The following ZNF514 variants were observed in gnomAD, a reference collection of about 807,000 sequenced individuals.
ZNF514 encodes the protein zinc finger protein 514.
ZNF514 carries 12 observed loss-of-function variants against 9.7 expected under a neutral mutation model. The ratio of observed to expected loss-of-function variants is 1.24; its 90% CI spans 0.79 to 2.01. The LOEUF is 2.01. Ranked by LOEUF, ZNF514 falls within the 30% of genes most tolerant of loss-of-function variation. The pLI, the probability that ZNF514 is intolerant of heterozygous loss-of-function variation, is 0.00. For synonymous variants in ZNF514, 158 were observed against 163.7 expected (o/e 0.97, Z 0.27); for missense variants, 467 against 465.5 (o/e 1.00, Z -0.03).
At position 95,145,690 on chromosome 2, in the gene ZNF514, C is replaced by T. The variant is rs1419254759; in HGVS notation, c.*3592G>A. On this transcript the variant is annotated 3_prime_UTR_variant, in exon 5 of 5. Coordinates refer to ENST00000295208, the MANE Select transcript of ZNF514 (RefSeq NM_032788.3). ...TTCAAGTTGTCCTGCCTTTCTCCAT[C>T]GAACCAATGTAAATCTTACATGTAT... Among the ~76,000 whole-genome samples, 2 of 152,204 alleles carry T rather than the reference C, an allele frequency of 1.3e-5. No individual in the cohort carries two copies. Among genetic ancestry groups the T allele is most frequent in the Non-Finnish European group, 2.9e-5 (2 of 68,040 alleles).
At chr2:95,126,838 A>T in the ZNF514 span, among the ~76,000 whole-genome samples, 1 of 151,712 alleles carries the variant, frequency 6.6e-6, no homozygotes, top group African/African-American at 2.4e-5. Flanking sequence ...TGGCACTATC[A>T]TAACTCAATG....
chr2:95,152,905 C>A (rs563004144), intron 3 of ZNF514, 136 bp from the exon 4 acceptor site: 16 of 962,962 alleles, frequency 1.7e-5, no homozygotes, highest in Admixed American at 1.3e-4. Context: ...GTTAGGAACA[C>A]AGCCAGGTAA....
intron 2 of ZNF514, chr2:95,154,173 C>T (rs868451234): frequency 2.6e-5 from 4 of 152,260 alleles, no homozygotes; most frequent in East Asian, 1.9e-4. Flanking sequence ...GTGAAAGACA[C>T]GAGCTACAGG....
At chr2:95,157,135 G>C (rs1197186159) in intron 2 of ZNF514, among the ~76,000 whole-genome samples, 8 of 152,112 alleles carry the variant, frequency 5.3e-5, no homozygotes, top group Non-Finnish European at 7.4e-5. Context: ...CTAGAAATAT[G>C]TCAGAGTAAG....
At chr2:95,141,013 C>A (rs1328977108), downstream of ZNF514, among the ~76,000 whole-genome samples, 1 of 151,338 alleles carries the variant, frequency 6.6e-6, no homozygotes, top group Non-Finnish European at 1.5e-5. Context: ...ATACAACAGA[C>A]GGACTTCAGG....
chr2:95,126,392 A>AAAAAAAAAAGAAAG, the ZNF514 span, among the ~76,000 whole-genome samples: 4 of 84,450 alleles, frequency 4.7e-5, no homozygotes, highest in African/African-American at 1.7e-4. Context: ...AAAAAAAAAA[A>AAAAAAAAAAGAAAG]AAAGAAAGAA....
At chr2:95,139,747 G>A in the ZNF514 span, among the ~76,000 whole-genome samples, 2 of 152,140 alleles carry the variant, frequency 1.3e-5, no homozygotes, top group South Asian at 2.1e-4. Flanking sequence ...TGCAATTTGA[G>A]AAGGACATGA....
At chr2:95,154,384 A>G (rs987115241) in intron 2 of ZNF514, 11 of 152,166 alleles carry the variant, frequency 7.2e-5, no homozygotes, top group African/African-American at 2.7e-4. Flanking sequence ...TGACTCCTTA[A>G]AAAACTGGTA....
the ZNF514 span, among the ~76,000 whole-genome samples, chr2:95,127,575 GTTTTTGTT>G: frequency 4.0e-5 from 6 of 151,562 alleles, no homozygotes; most frequent in Non-Finnish European, 5.9e-5. Flanking sequence ...TTTTGTTTTT[GTTTTTGTT>G]TTTTTGTTTT....
chr2:95,150,493 T>C (rs1317439576), intron 4 of ZNF514, among the ~76,000 whole-genome samples: 1 of 152,142 alleles, frequency 6.6e-6, no homozygotes, highest in African/African-American at 2.4e-5. Context: ...CTGAGAGATA[T>C]GTGTTTAGAT....
At chr2:95,124,469 C>A in the ZNF514 span, among the ~76,000 whole-genome samples, 10 of 152,018 alleles carry the variant, frequency 6.6e-5, no homozygotes, top group African/African-American at 1.9e-4. Context: ...TAGTTTGTCT[C>A]ATATTATTAT....
chr2:95,132,867 C>CAAAAA, the ZNF514 span, among the ~76,000 whole-genome samples: 4 of 66,684 alleles, frequency 6.0e-5, no homozygotes, highest in African/African-American at 1.3e-4. Flanking sequence ...GACTCCATCT[C>CAAAAA]AAAAAAAAAA....
downstream of ZNF514, among the ~76,000 whole-genome samples, chr2:95,144,042 A>G (rs1210542445): frequency 6.6e-6 from 1 of 152,210 alleles, no homozygotes; most frequent in Non-Finnish European, 1.5e-5. Context: ...CTGTCAATTA[A>G]TCTTTACTGA....
chr2:95,130,069 C>T, the ZNF514 span, among the ~76,000 whole-genome samples: 1 of 152,074 alleles, frequency 6.6e-6, no homozygotes, highest in Non-Finnish European at 1.5e-5. Flanking sequence ...TTTTCCTAAG[C>T]GTCGACTGGC....
At position 95,149,470 on chromosome 2, in the gene ZNF514, T is replaced by A; in HGVS notation, c.1015A>T (p.Thr339Ser). The A allele has an allele frequency of 6.2e-7, 1 of 1,613,968 alleles. No individual in the cohort carries two copies. The highest frequency in any genetic ancestry group is 8.5e-7 in the Non-Finnish European group (1 of 1,179,968). The change falls in exon 5 of 5, where the codon ACT becomes TCT. Residue 339 changes from threonine to serine, a missense_variant. Coordinates refer to ENST00000295208, the MANE Select transcript of ZNF514 (RefSeq NM_032788.3). The part of the protein sequence containing the change: ...SSLIVHYRFH[T>S]GEKPYKCNKC... ...TTACATTTGTAAGGTTTCTCTCCAG[T>A]ATGAAATCTGTAATGCACAATGAGT...
Position 95,146,785 on chromosome 2 carries a change from T to C in ZNF514, c.*2497A>G, listed in dbSNP as rs1167870849. On this transcript the variant is annotated 3_prime_UTR_variant, in exon 5 of 5. Transcript: ENST00000295208. The stretch of plus-strand genomic sequence containing the variant: ...TGACAGATGTCTAGGTATAAAGTGA[T>C]CTGGGTAGGTACAGAAAAGGGCACT... Among the ~76,000 whole-genome samples, 2 of 151,760 alleles carry C rather than the reference T, an allele frequency of 1.3e-5. No individual in the cohort carries two copies.
In ZNF514 at chr2:95,153,208, C is replaced by T. The variant is rs1240025161; in HGVS notation, c.46G>A (p.Gly16Arg). 2 of 1,613,910 alleles carry T rather than the reference C, an allele frequency of 1.2e-6. No individual in the cohort carries two copies. The highest frequency in any genetic ancestry group is 1.7e-6 in the Non-Finnish European group (2 of 1,179,940). The change falls in exon 3 of 5, where the codon GGG becomes AGG. Residue 16 changes from glycine (G) to arginine (R), a missense_variant. Coordinates refer to ENST00000295208, the MANE Select transcript of ZNF514 (RefSeq NM_032788.3). ...VAVEFSQWEWGQLNPAQKDLY... is the reference protein window; with the variant it reads ...VAVEFSQWEWRQLNPAQKDLY... ...TCCTTCTGAGCAGGGTTCAGCTGCCCCCACTCCCACTGGCTGAATTCCACA... is the reference window on the plus strand; with the variant it reads ...TCCTTCTGAGCAGGGTTCAGCTGCCTCCACTCCCACTGGCTGAATTCCACA...
the ZNF514 span, among the ~76,000 whole-genome samples, chr2:95,136,623 GAAA>G: frequency 4.2e-5 from 6 of 141,988 alleles, no homozygotes; most frequent in Admixed American, 1.4e-4. Context: ...CTCCTAACAG[GAAA>G]AAAAAAAAAA....
intron 1 of ZNF514, among the ~76,000 whole-genome samples, chr2:95,158,182 CTGTT>C (rs1307070381): frequency 6.6e-6 from 1 of 152,168 alleles, no homozygotes; most frequent in Non-Finnish European, 1.5e-5. Context: ...TGCTAAGACA[CTGTT>C]TGAGGATGTG....
Sources: allele counts gnomAD v4.1 joint callset (sites outside exome capture counted in the v4.1 genomes callset), GRCh38; gene constraint gnomAD v4.1.1; transcripts MANE v1.5; gene names NCBI Gene and HGNC (gene_info 2026-07-23, HGNC 2026-07-21).